The following MYO5A variants were observed in gnomAD, a reference collection of about 807,000 sequenced individuals.
MYO5A encodes the protein myosin VA.
In MYO5A, 98 loss-of-function variants were observed where a neutral mutation model predicts 249.7. The observed-to-expected ratio is 0.39, with a 90% CI of 0.33 to 0.46. The LOEUF (loss-of-function observed/expected upper bound fraction) is 0.46, where lower values mean the gene tolerates loss of function less well. MYO5A is among the 20% of genes least tolerant of loss of function. The pLI is 0.98. For missense variants in MYO5A, 1,696 were observed against 2,308.8 expected (o/e 0.73, Z 5.44); for synonymous variants, 778 against 810.6 (o/e 0.96, Z 0.68).
chr15:52,431,880 AG>A (rs1022527747), intron 2 of MYO5A, among the ~76,000 whole-genome samples: 1 of 151,886 alleles, frequency 6.6e-6, no homozygotes, highest in African/African-American at 2.4e-5. Flanking sequence ...TCCAGCCACT[AG>A]GGAGGGAGGC....
intron 37 of MYO5A, among the ~76,000 whole-genome samples, chr15:52,322,705 C>G (rs2038387289): frequency 6.6e-6 from 1 of 151,692 alleles, no homozygotes; most frequent in Non-Finnish European, 1.5e-5. Context: ...GAACATATCC[C>G]CACAAACAAA....
intron 28 of MYO5A, 129 bp downstream of exon 28, chr15:52,351,125 A>C (rs2039927983): frequency 1.2e-6 from 1 of 820,726 alleles, no homozygotes; most frequent in African/African-American, 1.7e-5. Flanking sequence ...TTTTTTAAAA[A>C]AATAATGAAT....
At chr15:52,455,270 T>G (rs2076095249) in intron 1 of MYO5A, among the ~76,000 whole-genome samples, 1 of 151,850 alleles carries the variant, frequency 6.6e-6, no homozygotes, top group Non-Finnish European at 1.5e-5. Context: ...ATGAAAAAAT[T>G]GAAAACCTGA....
At chr15:52,500,146 A>G (rs2077123622) in intron 1 of MYO5A, among the ~76,000 whole-genome samples, 1 of 152,102 alleles carries the variant, frequency 6.6e-6, no homozygotes, top group Admixed American at 6.6e-5. Context: ...CGTGCACAAG[A>G]GTTCCAATTT....
intron 1 of MYO5A, among the ~76,000 whole-genome samples, chr15:52,447,936 A>G (rs1276583132): frequency 1.3e-5 from 2 of 152,250 alleles, no homozygotes; most frequent in Non-Finnish European, 2.9e-5. Flanking sequence ...AAGTCCACAC[A>G]GAAGCCTGCT....
chr15:52,406,703 C>T (rs2043018903), intron 8 of MYO5A, among the ~76,000 whole-genome samples: 1 of 151,898 alleles, frequency 6.6e-6, no homozygotes, highest in African/African-American at 2.4e-5. Context: ...CACATGAAGG[C>T]CCAACATTTT....
rs143627506 is a variant in MYO5A at position 52,409,088 on chromosome 15, T to C, written c.757-948A>G. 3.3e-3 allele frequency among the ~76,000 whole-genome samples: 502 copies of C among 152,232 alleles called. 4 individuals carry two copies. The highest frequency in any genetic ancestry group is 0.012 in the African/African-American group (492 of 41,538). ...ACTCATTTTGACAAGCCAAACATCC[T>C]TGACATTCTATATCACTGGAGACTG... is the stretch of plus-strand genomic sequence containing the variant. On this transcript the variant is annotated intron_variant, in intron 6 of 41. Coordinates refer to ENST00000399233, the MANE Select transcript of MYO5A (RefSeq NM_001382347.1).
chr15:52,376,578 T>C lies in MYO5A; in HGVS notation c.2209-20A>G. ...CTTGTCCTATTTTTGGAAGAAATTG[T>C]ATATTCAGAAATAATAATCATATAA... On this transcript the variant is annotated intron_variant, in intron 18 of 41. Coordinates refer to ENST00000399233, the MANE Select transcript of MYO5A (RefSeq NM_001382347.1). 1 of 1,596,174 alleles carries C rather than the reference T, an allele frequency of 6.3e-7. No homozygotes were observed.
At chr15:52,468,910 A>T (rs1175704513) in intron 1 of MYO5A, among the ~76,000 whole-genome samples, 1 of 152,208 alleles carries the variant, frequency 6.6e-6, no homozygotes, top group African/African-American at 2.4e-5. Flanking sequence ...TTTGTACTTT[A>T]CATACTTCCA....
intron 20 of MYO5A, 47 bp from the exon 21 acceptor site, chr15:52,372,410 C>T (rs756007729): frequency 6.9e-6 from 11 of 1,595,930 alleles, no homozygotes; most frequent in African/African-American, 1.3e-5. Context: ...CTGGACTACA[C>T]TCATGATTAT....
intron 15 of MYO5A, 50 bp downstream of exon 15, chr15:52,384,111 A>T (rs2041876686): frequency 6.2e-7 from 1 of 1,610,638 alleles, no homozygotes; most frequent in Non-Finnish European, 8.5e-7. Flanking sequence ...CTGAGGTTTC[A>T]GATGAGCCAG....
chr15:52,514,671 A>G (rs761483656), intron 1 of MYO5A, among the ~76,000 whole-genome samples: 2 of 152,198 alleles, frequency 1.3e-5, no homozygotes, highest in African/African-American at 4.8e-5. Context: ...GTGGTTCTCA[A>G]TTCAGCACAG....
intron 28 of MYO5A, 117 bp from the exon 29 acceptor site, chr15:52,348,943 G>A (rs2039800583): frequency 1.8e-6 from 2 of 1,107,938 alleles, no homozygotes; most frequent in Non-Finnish European, 2.6e-6. Context: ...TTTAAAAACA[G>A]CCATGAGTTG....
At chr15:52,427,125 A>G (rs1358741758) in intron 3 of MYO5A, among the ~76,000 whole-genome samples, 1 of 150,054 alleles carries the variant, frequency 6.7e-6, no homozygotes, top group Non-Finnish European at 1.5e-5. Context: ...GGTGAGTTAC[A>G]TATAATTGTT....
At chr15:52,393,116 A>G (rs559847231) in intron 11 of MYO5A, among the ~76,000 whole-genome samples, 1 of 152,182 alleles carries the variant, frequency 6.6e-6, no homozygotes, top group Non-Finnish European at 1.5e-5. Context: ...GTCTCTACAG[A>G]TGCTAATGAC....
chr15:52,321,625 C>T (rs1596280919), intron 37 of MYO5A, 116 bp from the exon 38 acceptor site: 1 of 1,114,174 alleles, frequency 9.0e-7, no homozygotes, highest in South Asian at 1.3e-5. Flanking sequence ...AAGGAGCTTC[C>T]CCACTAATGC....
At chr15:52,393,930 T>C (rs1195113651) in intron 11 of MYO5A, among the ~76,000 whole-genome samples, 5 of 152,188 alleles carry the variant, frequency 3.3e-5, no homozygotes, top group African/African-American at 1.2e-4. Context: ...GTCTCAATAT[T>C]GACAATAGAA....
intron 1 of MYO5A, among the ~76,000 whole-genome samples, chr15:52,445,460 G>T (rs1245098370): frequency 1.3e-5 from 2 of 152,140 alleles, no homozygotes; most frequent in African/African-American, 4.8e-5. Flanking sequence ...AGCAATGCAA[G>T]AATGAACTAA....
intron 16 of MYO5A, among the ~76,000 whole-genome samples, chr15:52,382,045 G>A (rs1046275663): frequency 2.0e-5 from 3 of 151,744 alleles, no homozygotes; most frequent in African/African-American, 4.8e-5. Context: ...TGGGATTACA[G>A]GCGCCCGCCA....
Sources: gnomAD v4.1 joint callset for allele counts (sites outside exome capture counted in the v4.1 genomes callset) on GRCh38, gnomAD v4.1.1 for gene constraint, MANE v1.5 for transcripts, NCBI Gene and HGNC (gene_info 2026-07-23, HGNC 2026-07-21) for gene names.